The following SEC24B variants were observed in gnomAD, a reference collection of about 807,000 sequenced individuals.
SEC24B encodes the protein SEC24 homolog B, COPII component, also known as protein transport protein Sec24B.
Under a neutral mutation model 142.8 loss-of-function variants are expected in SEC24B, and 45 were observed. The ratio of observed to expected loss-of-function variants is 0.32; its 90% CI spans 0.25 to 0.40. The LOEUF is 0.40. SEC24B is among the 10% of genes least tolerant of loss of function. The pLI is 1.00. For missense variants in SEC24B, 1,409 were observed against 1,526.8 expected (o/e 0.92, Z 1.29); for synonymous variants, 574 against 568.2 (o/e 1.01, Z -0.15).
chr4:109,477,140 T>TCAAA (rs1733254755), intron 3 of SEC24B, among the ~76,000 whole-genome samples: 1 of 55,884 alleles, frequency 1.8e-5, no homozygotes, highest in African/African-American at 4.5e-5. Flanking sequence ...CCGTCTCAAA[T>TCAAA]AAAAAAAAAA....
At position 109,491,208 on chromosome 4, in the gene SEC24B, T is replaced by C. The variant is rs944000415; in HGVS notation, c.1166-119T>C. 22 of 693,060 alleles carry C rather than the reference T, an allele frequency of 3.2e-5. No individual in the cohort carries two copies. In the South Asian group the frequency reaches 3.3e-4, roughly 10 times the overall value. 42.9% of individuals were successfully genotyped at this position (693,060 alleles called of 1,614,324 possible). A position where few individuals can be genotyped will look rare whatever the true frequency, so the allele number is the denominator to read the frequency against. On this transcript the variant is annotated intron_variant, in intron 4 of 23. Transcript: ENST00000265175. ...TCTCTAGACATCAATCATTTTACTT[T>C]TTTACTAGAATCAGGAATTTTCCTA...
At chr4:109,488,019 CTT>C (rs1460924760) in intron 4 of SEC24B, among the ~76,000 whole-genome samples, 1 of 151,648 alleles carries the variant, frequency 6.6e-6, no homozygotes, top group African/African-American at 2.4e-5. Context: ...TATCTTTGGA[CTT>C]TATTTTTTTT....
At chr4:109,465,350 A>G (rs1421334262) in intron 2 of SEC24B, among the ~76,000 whole-genome samples, 2 of 152,226 alleles carry the variant, frequency 1.3e-5, no homozygotes, top group African/African-American at 4.8e-5. Flanking sequence ...TTGAGAATCT[A>G]TTTCTAACTG....
intron 1 of SEC24B, 113 bp from the exon 2 acceptor site, chr4:109,462,788 G>T: frequency 1.2e-6 from 1 of 864,264 alleles, no homozygotes. Context: ...TATACCTTTT[G>T]TAATAAGTTG....
At chr4:109,488,247 G>A (rs1311236344) in intron 4 of SEC24B, among the ~76,000 whole-genome samples, 3 of 152,020 alleles carry the variant, frequency 2.0e-5, no homozygotes, top group Non-Finnish European at 4.4e-5. Context: ...AACTTCATAT[G>A]TTTTAGCCTT....
chr4:109,537,863 ATAC>A (rs1329426575), intron 22 of SEC24B, among the ~76,000 whole-genome samples: 4 of 152,312 alleles, frequency 2.6e-5, no homozygotes, highest in Admixed American at 2.0e-4. Flanking sequence ...ATTTTGTTAT[ATAC>A]TACATTTTTG....
chr4:109,444,000 A>T (rs377602817), intron 1 of SEC24B, among the ~76,000 whole-genome samples: 5 of 152,186 alleles, frequency 3.3e-5, no homozygotes, highest in African/African-American at 1.2e-4. Context: ...AGGTGGGTGG[A>T]TCACCTGAGG....
At chr4:109,531,234 CATACCT>C (rs1724896277) in intron 19 of SEC24B, 145 bp from the exon 20 acceptor site, 1 of 627,006 alleles carries the variant, frequency 1.6e-6, no homozygotes, top group Admixed American at 3.0e-5. Context: ...TCCAGCATCA[CATACCT>C]ATTAAATGTC....
At chr4:109,489,403 A>G (rs1188075189) in intron 4 of SEC24B, among the ~76,000 whole-genome samples, 4 of 151,314 alleles carry the variant, frequency 2.6e-5, no homozygotes, top group African/African-American at 9.8e-5. Context: ...AAAAATATGC[A>G]TAACATAAAA....
intron 1 of SEC24B, among the ~76,000 whole-genome samples, chr4:109,442,884 C>T (rs1159398070): frequency 6.6e-6 from 1 of 152,040 alleles, no homozygotes; most frequent in Non-Finnish European, 1.5e-5. Flanking sequence ...ATCAATTTTG[C>T]ACATTTTTAC....
intron 14 of SEC24B, 145 bp from the exon 15 acceptor site, chr4:109,524,673 C>T (rs1578983344): frequency 1.1e-5 from 5 of 460,688 alleles, no homozygotes; most frequent in South Asian, 4.3e-5. Flanking sequence ...TTATTATTAT[C>T]ATAGGGAATC....
intron 14 of SEC24B, among the ~76,000 whole-genome samples, chr4:109,522,278 G>T (rs192406380): frequency 2.8e-3 from 421 of 149,282 alleles, no homozygotes; most frequent in Admixed American, 7.5e-3. Context: ...GTCTCAATCT[G>T]CTGACCTCGT....
At chr4:109,481,998 G>A (rs1025516452) in intron 4 of SEC24B, among the ~76,000 whole-genome samples, 1 of 152,228 alleles carries the variant, frequency 6.6e-6, no homozygotes, top group African/African-American at 2.4e-5. Flanking sequence ...AATAGAATCA[G>A]AATTCCTCTT....
Position 109,499,974 on chromosome 4 carries a change from C to T in SEC24B, c.1488+5118C>T, listed in dbSNP as rs908918835. Reference sequence around the variant, plus strand: ...TGACAGCTCCTTACATGTTATTACACCTTAAGACCTTCCAGTGAGACAAGA... The same window carrying T: ...TGACAGCTCCTTACATGTTATTACATCTTAAGACCTTCCAGTGAGACAAGA... On this transcript the variant is annotated intron_variant, in intron 6 of 23. Coordinates refer to ENST00000265175, the MANE Select transcript of SEC24B (RefSeq NM_006323.5). 2.6e-5 allele frequency among the ~76,000 whole-genome samples: 4 copies of T among 152,202 alleles called. No individual in the cohort carries two copies. The East Asian group carries it at 7.7e-4, about 29-fold the overall frequency.
chr4:109,467,489 T>C (rs996323898), intron 2 of SEC24B, among the ~76,000 whole-genome samples: 2 of 152,158 alleles, frequency 1.3e-5, no homozygotes, highest in Non-Finnish European at 2.9e-5. Context: ...TCTAGTATAG[T>C]CAAGTAACCT....
intron 6 of SEC24B, among the ~76,000 whole-genome samples, chr4:109,501,673 T>C (rs1225225373): frequency 6.6e-6 from 1 of 152,178 alleles, no homozygotes; most frequent in Non-Finnish European, 1.5e-5. Flanking sequence ...GGCTTTACCA[T>C]GTTGGCCAGG....
At chr4:109,468,986 A>G (rs922060397) in intron 2 of SEC24B, among the ~76,000 whole-genome samples, 1 of 152,080 alleles carries the variant, frequency 6.6e-6, no homozygotes, top group Admixed American at 6.6e-5. Flanking sequence ...ACTAACAGGG[A>G]ACTAAGGAGC....
At chr4:109,445,731 C>T (rs534315454) in intron 1 of SEC24B, among the ~76,000 whole-genome samples, 5 of 151,578 alleles carry the variant, frequency 3.3e-5, no homozygotes, top group East Asian at 2.0e-4. Context: ...ACCACACCTG[C>T]GTAATTTTTT....
At position 109,536,629 on chromosome 4, in the gene SEC24B, G is replaced by A. The variant is rs559158496; in HGVS notation, c.3589-1864G>A. ...ACTGCAAGCTCTGCCTCCCGGGTTC[G>A]CGCCATTCTCCTGCCTCAGTCTCCT... is the stretch of plus-strand genomic sequence containing the variant. On this transcript the variant is annotated intron_variant, in intron 22 of 23. Coordinates refer to ENST00000265175, the MANE Select transcript of SEC24B (RefSeq NM_006323.5). Among the ~76,000 whole-genome samples the A allele has an allele frequency of 1.6e-4, 25 of 152,046 alleles. No individual in the cohort carries two copies. The South Asian group carries it at 2.7e-3, about 16-fold the overall frequency.
Sources: allele counts gnomAD v4.1 joint callset (sites outside exome capture counted in the v4.1 genomes callset), GRCh38; gene constraint gnomAD v4.1.1; transcripts MANE v1.5; gene names NCBI Gene and HGNC (gene_info 2026-07-23, HGNC 2026-07-21).